STARD13: variants seen among roughly 807,000 people sequenced by gnomAD.
The protein encoded by STARD13 is stAR-related lipid transfer protein 13.
In STARD13, 62 loss-of-function variants were observed where a neutral mutation model predicts 106.4. The ratio of observed to expected loss-of-function variants is 0.58; its 90% confidence interval spans 0.48 to 0.72. The LOEUF (loss-of-function observed/expected upper bound fraction) is 0.72. Among genes scored for constraint, STARD13 ranks in the 30% least tolerant of loss-of-function variants. The pLI is 0.00. For missense variants in STARD13, 1,387 were observed against 1,424.0 expected (o/e 0.97, Z 0.42); for synonymous variants, 565 against 553.0 (o/e 1.02, Z -0.31).
rs1415526467 is a variant in STARD13 at position 33,317,293 on chromosome 13, C to T, written c.124+32997G>A. ...CCAACATGCTCTTTGCCAGGCTTCTCCAACTCATTTAATAGCATCTTCATT... is the reference window on the plus strand; with the variant it reads ...CCAACATGCTCTTTGCCAGGCTTCTTCAACTCATTTAATAGCATCTTCATT... On this transcript the variant is annotated intron_variant, in intron 1 of 5. Coordinates refer to the STARD13 transcript ENST00000567873. 2.0e-5 allele frequency among the ~76,000 whole-genome samples: 3 copies of T among 152,160 alleles called. No homozygotes were observed. The East Asian group carries it at 5.8e-4, about 29-fold the overall frequency.
rs112231392 is a variant in STARD13, at chr13:33,308,012, A to G, written c.124+42278T>C. Among the ~76,000 whole-genome samples the G allele has an allele frequency of 9.4e-3, 1,428 of 152,198 alleles. 20 individuals are homozygous for G. Among genetic ancestry groups the G allele is most frequent in the African/African-American group, 0.033 (1,350 of 41,532 alleles). ...CAGAATTCCATTGTTTCATTCCATC[A>G]TTGGATTTCTTGGCCTTCAACACAA... On this transcript the variant is annotated intron_variant, in intron 1 of 5. Coordinates refer to the STARD13 transcript ENST00000567873.
In STARD13 at chr13:33,186,362, C is replaced by A. The variant is rs115615364; in HGVS notation, c.170-18740G>T. Among the ~76,000 whole-genome samples the A allele has an allele frequency of 3.0e-3, 460 of 152,272 alleles. 1 individual carries two copies. The highest frequency in any genetic ancestry group is 0.01 in the African/African-American group (420 of 41,554). On this transcript the variant is annotated intron_variant, in intron 1 of 13. Coordinates refer to ENST00000336934, the MANE Select transcript of STARD13 (RefSeq NM_178006.4). The stretch of plus-strand genomic sequence containing the variant: ...CATTCTCAACAGAGTCTTTTAGTAG[C>A]GAACAGAACTCTCCTCTCGTAAAGA...
intron 1 of STARD13, among the ~76,000 whole-genome samples, chr13:33,200,089 C>A (rs1886909723): frequency 6.6e-6 from 1 of 152,238 alleles, no homozygotes; most frequent in Non-Finnish European, 1.5e-5. Context: ...TTGCCCTTTG[C>A]TGAGTGCAGA....
At chr13:33,430,133 G>C in the STARD13 span, among the ~76,000 whole-genome samples, 1 of 152,168 alleles carries the variant, frequency 6.6e-6, no homozygotes, top group Non-Finnish European at 1.5e-5. Flanking sequence ...TAGCCAGGAT[G>C]GTCTCGATCT....
intron 1 of STARD13, among the ~76,000 whole-genome samples, chr13:33,208,341 G>A (rs901802819): frequency 6.6e-6 from 1 of 152,116 alleles, no homozygotes; most frequent in Admixed American, 6.5e-5. Flanking sequence ...GAGAGAGAAG[G>A]ACACTTCCAA....
chr13:33,561,010 T>C, the STARD13 span, among the ~76,000 whole-genome samples: 1 of 151,744 alleles, frequency 6.6e-6, no homozygotes, highest in East Asian at 1.9e-4. Context: ...AAAGGTGTTA[T>C]ATCTCTCAGA....
At chr13:33,416,723 T>G in the STARD13 span, among the ~76,000 whole-genome samples, 1 of 152,196 alleles carries the variant, frequency 6.6e-6, no homozygotes, top group African/African-American at 2.4e-5. Flanking sequence ...ATGTAAATGC[T>G]AAAACTACAA....
At chr13:33,133,427 A>G (rs572443351) in intron 4 of STARD13, among the ~76,000 whole-genome samples, 1 of 152,276 alleles carries the variant, frequency 6.6e-6, no homozygotes, top group East Asian at 1.9e-4. Flanking sequence ...AAGCAAACAA[A>G]CAAAAACCAA....
Position 33,151,841 on chromosome 13 carries a change from G to A in STARD13, c.324-9468C>T, listed in dbSNP as rs541735485. On this transcript the variant is annotated intron_variant, in intron 3 of 13. Coordinates refer to ENST00000336934, the MANE Select transcript of STARD13 (RefSeq NM_178006.4). Reference sequence around the variant, plus strand: ...GGAGAGATGGCAGAGAGATGCAAAAGGGGAGTGAGAGTGGGATGTCTGCGT... The same window carrying A: ...GGAGAGATGGCAGAGAGATGCAAAAAGGGAGTGAGAGTGGGATGTCTGCGT... Among the ~76,000 whole-genome samples, 6 of 152,328 alleles carry A rather than the reference G, an allele frequency of 3.9e-5. No homozygotes were observed. In the South Asian group the frequency reaches 8.3e-4, roughly 21 times the overall value.
At chr13:33,256,110 A>T (rs1369444650) in intron 1 of STARD13, among the ~76,000 whole-genome samples, 1 of 152,252 alleles carries the variant, frequency 6.6e-6, no homozygotes, top group Non-Finnish European at 1.5e-5. Context: ...CAAAGGATTC[A>T]TCTTCAAAAT....
chr13:33,542,081 C>T, the STARD13 span, among the ~76,000 whole-genome samples: 14 of 152,188 alleles, frequency 9.2e-5, no homozygotes, highest in African/African-American at 3.4e-4. Flanking sequence ...GAATCGCTTG[C>T]TAAAAAGTTT....
chr13:33,499,554 T>A, the STARD13 span, among the ~76,000 whole-genome samples: 1 of 58,010 alleles, frequency 1.7e-5, no homozygotes, highest in Admixed American at 2.0e-4. Context: ...TTCTTCTTCT[T>A]CTTCTTCTTC....
chr13:33,560,321 C>G, the STARD13 span, among the ~76,000 whole-genome samples: 2 of 151,614 alleles, frequency 1.3e-5, no homozygotes, highest in Non-Finnish European at 2.9e-5. Flanking sequence ...TAAGTTTAAA[C>G]TTTTTAAAAA....
At chr13:33,278,361 C>G (rs1365726640) in intron 1 of STARD13, 1 of 152,092 alleles carries the variant, frequency 6.6e-6, no homozygotes, top group African/African-American at 2.4e-5. Flanking sequence ...TGGATAATCT[C>G]CATGCTATTT....
At chr13:33,216,919 C>T (rs1888078035) in intron 1 of STARD13, among the ~76,000 whole-genome samples, 1 of 152,136 alleles carries the variant, frequency 6.6e-6, no homozygotes, top group South Asian at 2.1e-4. Context: ...ATCCCTGGCC[C>T]ATCCCTTGGA....
At chr13:33,471,735 A>C in the STARD13 span, among the ~76,000 whole-genome samples, 1 of 151,922 alleles carries the variant, frequency 6.6e-6, no homozygotes, top group African/African-American at 2.4e-5. Context: ...TTTTTAAAGC[A>C]AAACAAAATG....
At chr13:33,616,962 G>A in the STARD13 span, among the ~76,000 whole-genome samples, 86 of 152,252 alleles carry the variant, frequency 5.6e-4, 2 homozygotes, top group Admixed American at 1.2e-3. Flanking sequence ...GGTAGGGAGC[G>A]TCCCTAAGGA....
chr13:33,393,904 A>G, the STARD13 span, among the ~76,000 whole-genome samples: 5 of 152,358 alleles, frequency 3.3e-5, no homozygotes, highest in East Asian at 9.6e-4. Context: ...GTTTTCACAT[A>G]TTCCTCTAAA....
intron 1 of STARD13, among the ~76,000 whole-genome samples, chr13:33,237,828 G>T (rs891952863): frequency 6.6e-6 from 1 of 152,154 alleles, no homozygotes; most frequent in African/African-American, 2.4e-5. Flanking sequence ...TTATGGCTTA[G>T]AATCAAATGA....
Sources: allele counts gnomAD v4.1 joint callset (sites outside exome capture counted in the v4.1 genomes callset), GRCh38; gene constraint gnomAD v4.1.1; transcripts MANE v1.5; gene names NCBI Gene and HGNC (gene_info 2026-07-23, HGNC 2026-07-21).